RAPGEF1: variants seen among roughly 807,000 people sequenced by gnomAD.
RAPGEF1 encodes Rap guanine nucleotide exchange factor 1.
RAPGEF1 carries 33 observed loss-of-function variants against 143.3 expected under a neutral mutation model. The observed-to-expected ratio is 0.23, with a 90% CI of 0.17 to 0.31. RAPGEF1 has a LOEUF of 0.31. Among genes scored for constraint, RAPGEF1 ranks in the 10% least tolerant of loss-of-function variants. RAPGEF1 has a pLI of 1.00. For synonymous variants in RAPGEF1, 629 were observed against 676.5 expected (o/e 0.93, Z 1.09); for missense variants, 1,199 against 1,645.4 (o/e 0.73, Z 4.69).
chr9:131,735,168 G>A (rs1161846481), intron 1 of RAPGEF1, among the ~76,000 whole-genome samples: 1 of 152,252 alleles, frequency 6.6e-6, no homozygotes, highest in Non-Finnish European at 1.5e-5. Context: ...CCCTCAGGAG[G>A]TTGCTCCGTG....
chr9:131,627,922 C>G lies in RAPGEF1; in HGVS notation c.1192G>C (p.Glu398Gln), dbSNP rs1347894060. The stretch of plus-strand genomic sequence containing the variant: ...GATGGTGGCGGCTCACCTAGTGTTT[C>G]ACAGCTTGTGTTCCGGGAGCACTGC... The part of the protein sequence containing the change: ...SGQCSRNTSC[E>Q]TLDHYDPDYE... The change falls in exon 9 of 27, where the codon GAA (glutamate) becomes CAA (glutamine). Residue 398 changes from glutamate to glutamine, a missense_variant. Physicochemically the swap from Glu to Gln is conservative, Grantham distance 29. Transcript: ENST00000683357. 1 of 1,582,348 alleles carries G rather than the reference C, an allele frequency of 6.3e-7. No individual in the cohort carries two copies. The highest frequency in any genetic ancestry group is 8.6e-7 in the Non-Finnish European group (1 of 1,164,336).
chr9:131,614,360 C>A (rs554513415), intron 12 of RAPGEF1, among the ~76,000 whole-genome samples: 110 of 152,358 alleles, frequency 7.2e-4, no homozygotes, highest in Non-Finnish European at 1.4e-3. Context: ...CATGGACTGT[C>A]TTCCACTTCC....
At chr9:131,652,300 G>C (rs1333255671) in intron 1 of RAPGEF1, among the ~76,000 whole-genome samples, 1 of 151,944 alleles carries the variant, frequency 6.6e-6, no homozygotes, top group African/African-American at 2.4e-5. Flanking sequence ...GCTAAGACTA[G>C]AGTGCAGTGG....
intron 1 of RAPGEF1, among the ~76,000 whole-genome samples, chr9:131,714,717 T>A (rs1340997085): frequency 6.7e-6 from 1 of 149,652 alleles, no homozygotes; most frequent in East Asian, 2.0e-4. Flanking sequence ...TTTTTTTTTT[T>A]TTTTTTTTTT....
At chr9:131,702,281 C>T (rs1435572498) in intron 1 of RAPGEF1, among the ~76,000 whole-genome samples, 2 of 152,170 alleles carry the variant, frequency 1.3e-5, no homozygotes, top group Non-Finnish European at 2.9e-5. Flanking sequence ...ATAATCATTG[C>T]TCTCTGGAAG....
intron 16 of RAPGEF1, among the ~76,000 whole-genome samples, chr9:131,597,234 C>T (rs1182530650): frequency 1.3e-5 from 2 of 152,224 alleles, no homozygotes; most frequent in Admixed American, 6.5e-5. Context: ...TGGTATTTTA[C>T]CTCCTGACTC....
chr9:131,586,416 A>ACACC (rs1554801996), intron 22 of RAPGEF1, among the ~76,000 whole-genome samples: 5 of 88,764 alleles, frequency 5.6e-5, no homozygotes, highest in Non-Finnish European at 9.4e-5. Context: ...ACACACACAC[A>ACACC]CACCTGCAGA....
chr9:131,635,176 C>T (rs1383748524), intron 5 of RAPGEF1, among the ~76,000 whole-genome samples: 1 of 152,144 alleles, frequency 6.6e-6, no homozygotes, highest in Non-Finnish European at 1.5e-5. Flanking sequence ...ACTGTTTCCC[C>T]ACTGCCTCCT....
At chr9:131,647,058 A>G (rs1463067602) in intron 3 of RAPGEF1, among the ~76,000 whole-genome samples, 1 of 152,204 alleles carries the variant, frequency 6.6e-6, no homozygotes, top group African/African-American at 2.4e-5. Context: ...CTCACTGCTC[A>G]TTGTAATTAT....
At position 131,648,478 on chromosome 9, in the gene RAPGEF1, G is replaced by A. The variant is rs577891599; in HGVS notation, c.315+1651C>T. On this transcript the variant is annotated intron_variant, in intron 3 of 26. Transcript: ENST00000683357. The stretch of plus-strand genomic sequence containing the variant: ...TGAGTGGCCGAACAGTTTCATATCA[G>A]AATTCACTAGCAGGATAACGTTGTT... Among the ~76,000 whole-genome samples the A allele has an allele frequency of 5.9e-5, 9 of 152,300 alleles. 1 individual carries two copies. In the South Asian group the frequency reaches 1.7e-3, roughly 28 times the overall value.
intron 1 of RAPGEF1, among the ~76,000 whole-genome samples, chr9:131,716,548 T>C (rs570064494): frequency 2.0e-5 from 3 of 152,316 alleles, no homozygotes; most frequent in Non-Finnish European, 4.4e-5. Flanking sequence ...GGTTGATTAC[T>C]TGAGCCCAGG....
intron 22 of RAPGEF1, among the ~76,000 whole-genome samples, chr9:131,585,411 G>A (rs775330532): frequency 6.6e-6 from 1 of 152,056 alleles, no homozygotes; most frequent in African/African-American, 2.4e-5. Flanking sequence ...GAACTCCTGC[G>A]CTCAAGTGAC....
intron 3 of RAPGEF1, among the ~76,000 whole-genome samples, chr9:131,646,223 G>A (rs1167842500): frequency 6.6e-6 from 1 of 152,176 alleles, no homozygotes; most frequent in East Asian, 1.9e-4. Context: ...GGCTTAGTGG[G>A]ACGTGGGGGA....
At chr9:131,693,743 C>T (rs2131039248) in intron 1 of RAPGEF1, among the ~76,000 whole-genome samples, 1 of 152,198 alleles carries the variant, frequency 6.6e-6, no homozygotes, top group Admixed American at 6.5e-5. Context: ...CCTTTCCAAA[C>T]CCCAGATCCC....
At chr9:131,681,136 A>G (rs2130923290) in intron 1 of RAPGEF1, among the ~76,000 whole-genome samples, 1 of 152,316 alleles carries the variant, frequency 6.6e-6, no homozygotes, top group Admixed American at 6.5e-5. Flanking sequence ...GAGGTTACAG[A>G]GCATGTTTAT....
chr9:131,625,474 C>G (rs1281435596), intron 10 of RAPGEF1, among the ~76,000 whole-genome samples: 1 of 152,192 alleles, frequency 6.6e-6, no homozygotes, highest in Non-Finnish European at 1.5e-5. Context: ...GGAGCATGAA[C>G]AGAGACAGTG....
intron 12 of RAPGEF1, among the ~76,000 whole-genome samples, chr9:131,609,112 G>T (rs1241808088): frequency 2.0e-5 from 3 of 152,210 alleles, no homozygotes; most frequent in Non-Finnish European, 4.4e-5. Context: ...AGGGGTGCCA[G>T]TTAGGAGAGG....
chr9:131,723,836 T>C (rs1836443352), intron 1 of RAPGEF1, among the ~76,000 whole-genome samples: 1 of 152,140 alleles, frequency 6.6e-6, no homozygotes, highest in African/African-American at 2.4e-5. Context: ...CTATTTTTAG[T>C]TTTTTGGCGA....
intron 1 of RAPGEF1, among the ~76,000 whole-genome samples, chr9:131,711,664 C>T (rs1835520153): frequency 6.6e-6 from 1 of 152,218 alleles, no homozygotes. Context: ...AGCCCTTCAT[C>T]ACTTTTATAA....
Sources: gnomAD v4.1 joint callset for allele counts (sites outside exome capture counted in the v4.1 genomes callset) on GRCh38, gnomAD v4.1.1 for gene constraint, MANE v1.5 for transcripts, NCBI Gene and HGNC (gene_info 2026-07-23, HGNC 2026-07-21) for gene names.